The following OPCML variants were observed in gnomAD, a reference collection of about 807,000 sequenced individuals.
OPCML encodes opioid-binding protein/cell adhesion molecule.
Under a neutral mutation model 37.8 loss-of-function variants are expected in OPCML, and 13 were observed. The ratio of observed to expected loss-of-function variants is 0.34; its 90% CI spans 0.22 to 0.55. The LOEUF (loss-of-function observed/expected upper bound fraction) is 0.55. Among genes scored for constraint, OPCML ranks in the 20% least tolerant of loss-of-function variants. The probability of loss-of-function intolerance (pLI) is 0.91; values close to 1 mark genes in which losing one functional copy is unlikely to be tolerated. For missense variants in OPCML, 341 were observed against 435.6 expected, an observed-to-expected ratio of 0.78 and a Z score of 1.93; for synonymous variants, 176 against 168.8, an observed-to-expected ratio of 1.04 and a Z score of -0.33.
At chr11:132,916,352 G>C (rs1944603935) in intron 2 of OPCML, among the ~76,000 whole-genome samples, 1 of 152,012 alleles carries the variant, frequency 6.6e-6, no homozygotes, top group Admixed American at 6.6e-5. Flanking sequence ...GGGTTCCATG[G>C]CCTAGTCAAG....
At chr11:132,823,189 T>C (rs1232905958) in intron 2 of OPCML, among the ~76,000 whole-genome samples, 1 of 152,190 alleles carries the variant, frequency 6.6e-6, no homozygotes, top group Non-Finnish European at 1.5e-5. Context: ...TTTCTTCCCC[T>C]GTCCCTGTTC....
chr11:133,032,853 G>T (rs976079987), intron 1 of OPCML, among the ~76,000 whole-genome samples: 1 of 152,146 alleles, frequency 6.6e-6, no homozygotes, highest in African/African-American at 2.4e-5. Context: ...CATTTCACAG[G>T]AAACTTCCCA....
At chr11:133,327,392 T>C (rs1044977926) in intron 1 of OPCML, among the ~76,000 whole-genome samples, 5 of 151,934 alleles carry the variant, frequency 3.3e-5, no homozygotes, top group African/African-American at 4.8e-5. Flanking sequence ...TTTACGCTCA[T>C]TGCAGAGATA....
At chr11:132,873,607 C>G (rs1035666368) in intron 2 of OPCML, among the ~76,000 whole-genome samples, 2 of 147,572 alleles carry the variant, frequency 1.4e-5, no homozygotes, top group Admixed American at 1.4e-4. Context: ...AGAGGAAAGA[C>G]AACAGAAGAG....
chr11:132,469,649 TGTATGTGTGTGGG>T (rs2096130133), intron 4 of OPCML, among the ~76,000 whole-genome samples: 1 of 103,946 alleles, frequency 9.6e-6, no homozygotes, highest in Non-Finnish European at 1.9e-5. Context: ...TGTGTGGGGG[TGTATGTGTGTGGG>T]GGTGTATGTG....
chr11:132,673,869 C>T (rs1942582992), intron 2 of OPCML, among the ~76,000 whole-genome samples: 2 of 152,156 alleles, frequency 1.3e-5, no homozygotes, highest in South Asian at 4.1e-4. Context: ...GTGGTCTCTG[C>T]CACTCTGTGA....
chr11:133,177,764 C>T lies in OPCML; in HGVS notation c.62-234754G>A, dbSNP rs1032299483. Among the ~76,000 whole-genome samples the T allele has an allele frequency of 3.3e-5, 5 of 152,124 alleles. No individual in the cohort carries two copies. Among genetic ancestry groups the T allele is most frequent in the African/African-American group, 7.2e-5 (3 of 41,432 alleles). Reference sequence around the variant, plus strand: ...GAGCAAATGTGGAATCTCATGGAATCGGCCCCACACACTCACCGAAATGGC... The same window carrying T: ...GAGCAAATGTGGAATCTCATGGAATTGGCCCCACACACTCACCGAAATGGC... On this transcript the variant is annotated intron_variant, in intron 1 of 7. Transcript: ENST00000524381. The surrounding 1 kb of genome is among the most constrained non-coding windows in gnomAD (Gnocchi z 5.0).
intron 1 of OPCML, among the ~76,000 whole-genome samples, chr11:133,128,834 T>C (rs1193048475): frequency 2.6e-5 from 4 of 152,096 alleles, no homozygotes; most frequent in African/African-American, 9.7e-5. Context: ...CCAGTCAAAA[T>C]GAAGCTCTCA....
intron 1 of OPCML, among the ~76,000 whole-genome samples, chr11:133,370,731 A>G (rs1944656928): frequency 6.6e-6 from 1 of 152,170 alleles, no homozygotes; most frequent in African/African-American, 2.4e-5. Flanking sequence ...AGAAGAAAAT[A>G]TATAGAGCAC....
Position 133,320,017 on chromosome 11 carries a change from C to T in OPCML, c.61+212247G>A, listed in dbSNP as rs538436267. On this transcript the variant is annotated intron_variant, in intron 1 of 7. Coordinates refer to ENST00000524381, the MANE Select transcript of OPCML (RefSeq NM_001012393.5). ...GTAGAAACTGGATCTGACTCTGCTT[C>T]GTCCTTGATGTTGATGGATGCCAGT... 6.4e-4 allele frequency among the ~76,000 whole-genome samples: 97 copies of T among 152,322 alleles called. 1 individual carries two copies. In the South Asian group the frequency reaches 7.0e-3, roughly 11 times the overall value.
At chr11:132,876,962 T>G (rs2136414886) in intron 2 of OPCML, among the ~76,000 whole-genome samples, 1 of 152,280 alleles carries the variant, frequency 6.6e-6, no homozygotes, top group South Asian at 2.1e-4. Context: ...CAGGGAGTAA[T>G]TTTAAATAAG....
chr11:132,602,705 C>T lies in OPCML; in HGVS notation c.379+54382G>A, dbSNP rs141302747. Among the ~76,000 whole-genome samples the T allele has an allele frequency of 1.1e-3, 174 of 152,334 alleles. 1 individual carries two copies. The highest frequency in any genetic ancestry group is 3.9e-3 in the African/African-American group (163 of 41,568). On this transcript the variant is annotated intron_variant, in intron 3 of 7. Coordinates refer to ENST00000524381, the MANE Select transcript of OPCML (RefSeq NM_001012393.5). ...GACCTGGGCATTGCCTGTGGACTCACCCCTATCTCTTAAGTAGGATGATTT... is the reference window on the plus strand; with the variant it reads ...GACCTGGGCATTGCCTGTGGACTCATCCCTATCTCTTAAGTAGGATGATTT...
At chr11:132,639,708 A>C (rs1464667092) in intron 3 of OPCML, among the ~76,000 whole-genome samples, 2 of 152,202 alleles carry the variant, frequency 1.3e-5, no homozygotes, top group African/African-American at 4.8e-5. Flanking sequence ...AAAGTTGAGC[A>C]TTGCCTGCTT....
intron 1 of OPCML, among the ~76,000 whole-genome samples, chr11:133,288,856 T>A (rs1170211234): frequency 6.6e-6 from 1 of 152,116 alleles, no homozygotes; most frequent in Non-Finnish European, 1.5e-5. Flanking sequence ...AGGCTCATGG[T>A]AATTAAGAGC....
chr11:132,975,484 A>G (rs1471679307), intron 1 of OPCML, among the ~76,000 whole-genome samples: 1 of 140,080 alleles, frequency 7.1e-6, no homozygotes, highest in Non-Finnish European at 1.5e-5. Context: ...GATTCCCTTA[A>G]TTTACCCAAC....
chr11:133,477,448 T>C (rs1369115120), intron 1 of OPCML, among the ~76,000 whole-genome samples: 3 of 152,156 alleles, frequency 2.0e-5, no homozygotes, highest in Admixed American at 1.3e-4. Context: ...GCACTAGAGG[T>C]GGCAGTGGGT....
At chr11:132,704,068 G>A (rs1214873537) in intron 2 of OPCML, among the ~76,000 whole-genome samples, 1 of 152,158 alleles carries the variant, frequency 6.6e-6, no homozygotes, top group Non-Finnish European at 1.5e-5. Flanking sequence ...GGAAAGGCCT[G>A]TGTCCTGTGT....
At chr11:133,150,994 G>A (rs191418383) in intron 1 of OPCML, among the ~76,000 whole-genome samples, 66 of 152,108 alleles carry the variant, frequency 4.3e-4, no homozygotes, top group Non-Finnish European at 7.9e-4. Flanking sequence ...TAATTCGTCG[G>A]CCAGGTGCGG....
intron 3 of OPCML, among the ~76,000 whole-genome samples, chr11:132,592,283 T>C (rs1024076025): frequency 1.3e-5 from 2 of 152,154 alleles, no homozygotes; most frequent in East Asian, 3.9e-4. Context: ...TTGTGAGAGA[T>C]GGACCAGTTC....
Sources: gnomAD v4.1 joint callset for allele counts (sites outside exome capture counted in the v4.1 genomes callset) on GRCh38, gnomAD v4.1.1 for gene constraint, Gnocchi (gnomAD v3.1) non-coding constraint, MANE v1.5 for transcripts, NCBI Gene and HGNC (gene_info 2026-07-23, HGNC 2026-07-21) for gene names.